The following ABHD12 variants were observed in gnomAD, a reference collection of about 807,000 sequenced individuals.
ABHD12 encodes lysophosphatidylserine lipase ABHD12.
A neutral mutation model predicts 58.3 loss-of-function variants in ABHD12; 43 were observed. That is an observed-to-expected ratio of 0.74 (90% confidence interval 0.58 to 0.95). The LOEUF is 0.95. Ranked by LOEUF, ABHD12 falls within the 40% of genes least tolerant of loss-of-function variation. The pLI, the probability that ABHD12 is intolerant of heterozygous loss-of-function variation, is 0.00. For synonymous variants in ABHD12, 219 were observed against 211.2 expected (o/e 1.04, Z -0.32); for missense variants, 539 against 537.2 (o/e 1.00, Z -0.03).
intron 1 of ABHD12, among the ~76,000 whole-genome samples, chr20:25,382,758 C>T (rs1272016357): frequency 6.6e-6 from 1 of 152,150 alleles, no homozygotes; most frequent in Non-Finnish European, 1.5e-5. Context: ...GGCGGACACT[C>T]CCTTGGGAAG....
intron 3 of ABHD12, among the ~76,000 whole-genome samples, chr20:25,320,774 A>C (rs917562666): frequency 6.6e-6 from 1 of 152,234 alleles, no homozygotes; most frequent in Non-Finnish European, 1.5e-5. Flanking sequence ...ATTCAGCAAC[A>C]CCAATGTTTG....
intron 2 of ABHD12, among the ~76,000 whole-genome samples, chr20:25,331,651 C>T (rs951416264): frequency 5.3e-5 from 8 of 152,124 alleles, no homozygotes; most frequent in Non-Finnish European, 1.0e-4. Flanking sequence ...GGCCAATATT[C>T]AACATTCTTA....
chr20:25,301,994 A>T (rs2145916266), intron 12 of ABHD12, among the ~76,000 whole-genome samples: 1 of 152,328 alleles, frequency 6.6e-6, no homozygotes, highest in East Asian at 1.9e-4. Flanking sequence ...CATCCTTTAC[A>T]ACATGGAGGC....
chr20:25,310,033 T>C (rs565006322), intron 6 of ABHD12, among the ~76,000 whole-genome samples: 9 of 152,240 alleles, frequency 5.9e-5, no homozygotes, highest in Middle Eastern at 3.4e-3. Flanking sequence ...ACAGGCAAGC[T>C]AGTGAGGTCT....
At chr20:25,336,660 T>C (rs141557453) in intron 2 of ABHD12, among the ~76,000 whole-genome samples, 47 of 152,282 alleles carry the variant, frequency 3.1e-4, no homozygotes, top group African/African-American at 1.1e-3. Flanking sequence ...CCTGTAAACC[T>C]TGGACGCACA....
intron 9 of ABHD12, among the ~76,000 whole-genome samples, chr20:25,307,621 A>G (rs1357239376): frequency 6.6e-6 from 1 of 152,242 alleles, no homozygotes; most frequent in Non-Finnish European, 1.5e-5. Context: ...CAGCCCCCCA[A>G]GCACTGTCTC....
chr20:25,319,432 T>G (rs1295808654), intron 4 of ABHD12, among the ~76,000 whole-genome samples: 1 of 152,234 alleles, frequency 6.6e-6, no homozygotes, highest in African/African-American at 2.4e-5. Flanking sequence ...GCTCACACTG[T>G]AGGGTGGCCT....
At chr20:25,298,586 C>CAATCA (rs370304135), downstream of ABHD12, among the ~76,000 whole-genome samples, 69 of 152,300 alleles carry the variant, frequency 4.5e-4, no homozygotes, top group African/African-American at 1.6e-3. Flanking sequence ...TTCTATCAAT[C>CAATCA]AATCAAATCC....
chr20:25,370,781 G>A (rs1368402646), intron 1 of ABHD12, among the ~76,000 whole-genome samples: 1 of 151,994 alleles, frequency 6.6e-6, no homozygotes, highest in Non-Finnish European at 1.5e-5. Flanking sequence ...AGCGCTTAAG[G>A]AAACGGTATC....
intron 1 of ABHD12, among the ~76,000 whole-genome samples, chr20:25,369,917 G>A (rs907897863): frequency 1.2e-5 from 1 of 81,004 alleles, no homozygotes; most frequent in African/African-American, 5.6e-5. Flanking sequence ...CTGTTTCTCT[G>A]TCTCTGTTAT....
chr20:25,350,959 TCACACACACACA>T (rs61061019), intron 1 of ABHD12, among the ~76,000 whole-genome samples: 230 of 142,304 alleles, frequency 1.6e-3, no homozygotes, highest in South Asian at 4.1e-3. Context: ...TACGAATCCT[TCACACACACACA>T]CACACACACA....
At chr20:25,315,286 G>C (rs1265424834) in intron 5 of ABHD12, among the ~76,000 whole-genome samples, 1 of 152,090 alleles carries the variant, frequency 6.6e-6, no homozygotes, top group Non-Finnish European at 1.5e-5. Flanking sequence ...CTCTGGGGCG[G>C]CCTCCTCTGG....
chr20:25,351,658 T>TA (rs2089601439), intron 1 of ABHD12, among the ~76,000 whole-genome samples: 1 of 152,244 alleles, frequency 6.6e-6, no homozygotes, highest in African/African-American at 2.4e-5. Context: ...GGTTCGCCTA[T>TA]AATCCCAGCA....
intron 1 of ABHD12, among the ~76,000 whole-genome samples, chr20:25,365,724 G>A (rs1436436137): frequency 6.6e-6 from 1 of 152,162 alleles, no homozygotes; most frequent in African/African-American, 2.4e-5. Flanking sequence ...GTGAGAAATG[G>A]CATCTTGGTG....
chr20:25,385,660 C>T (rs965303277), intron 1 of ABHD12, among the ~76,000 whole-genome samples: 5 of 150,110 alleles, frequency 3.3e-5, no homozygotes, highest in Non-Finnish European at 5.9e-5. Context: ...GCCTAGGCAA[C>T]GTGGCAAGAC....
chr20:25,296,272 A>C (rs2088542495), downstream of ABHD12: 3 of 1,459,438 alleles, frequency 2.1e-6, no homozygotes, highest in Non-Finnish European at 2.9e-6. Flanking sequence ...CAAGGCTCGG[A>C]GCTCATTTGG....
chr20:25,304,440 C>A (rs1258027762), intron 10 of ABHD12, among the ~76,000 whole-genome samples: 3 of 152,246 alleles, frequency 2.0e-5, no homozygotes, highest in Non-Finnish European at 2.9e-5. Flanking sequence ...CAGAGCTGTG[C>A]CCCTGACTTC....
intron 1 of ABHD12, among the ~76,000 whole-genome samples, chr20:25,354,402 C>T (rs1600843417): frequency 2.0e-5 from 3 of 152,294 alleles, no homozygotes; most frequent in African/African-American, 7.2e-5. Context: ...CCACTGACCC[C>T]AGCTCTGGTG....
At chr20:25,366,996 CTG>C (rs1372988118) in intron 1 of ABHD12, among the ~76,000 whole-genome samples, 3 of 152,160 alleles carry the variant, frequency 2.0e-5, no homozygotes, top group Admixed American at 6.5e-5. Context: ...TACGAGATCT[CTG>C]TATATTTTTT....
Sources: gnomAD v4.1 joint callset for allele counts (sites outside exome capture counted in the v4.1 genomes callset) on GRCh38, gnomAD v4.1.1 for gene constraint, MANE v1.5 for transcripts, NCBI Gene and HGNC (gene_info 2026-07-23, HGNC 2026-07-21) for gene names.